The following SLC2A3 variants were observed in gnomAD, a reference collection of about 807,000 sequenced individuals.
SLC2A3 encodes solute carrier family 2, facilitated glucose transporter member 3.
SLC2A3 carries 21 observed loss-of-function variants against 46.4 expected under a neutral mutation model. The ratio of observed to expected loss-of-function variants is 0.45; its 90% CI spans 0.32 to 0.65. The LOEUF (loss-of-function observed/expected upper bound fraction) is 0.65, where lower values mean the gene tolerates loss of function less well. SLC2A3 is among the 30% of genes least tolerant of loss of function. The pLI, the probability that SLC2A3 is intolerant of heterozygous loss-of-function variation, is 0.04. For synonymous variants in SLC2A3, 213 were observed against 239.4 expected, an observed-to-expected ratio of 0.89 and a Z score of 1.02; for missense variants, 499 against 623.3, an observed-to-expected ratio of 0.80 and a Z score of 2.12.
chr12:7,935,846 ACATT>A (rs1234258897), intron 1 of SLC2A3, among the ~76,000 whole-genome samples, 170 bp downstream of exon 1: 4 of 152,172 alleles, frequency 2.6e-5, no homozygotes, highest in African/African-American at 7.2e-5. Context: ...GAACTGTATG[ACATT>A]CAAAGAGAAC....
chr12:7,922,354 T>C (rs1170597603), intron 9 of SLC2A3, among the ~76,000 whole-genome samples: 1 of 151,950 alleles, frequency 6.6e-6, no homozygotes, highest in Admixed American at 6.6e-5. Flanking sequence ...CTTGAGCCAC[T>C]GTGTCTGGCC....
chr12:7,933,629 G>A (rs950805747), intron 2 of SLC2A3, 181 bp downstream of exon 2: 3 of 616,194 alleles, frequency 4.9e-6, no homozygotes, highest in Non-Finnish European at 5.6e-6. Context: ...CTCACTAACT[G>A]TGTTGCTCAG....
intron 1 of SLC2A3, among the ~76,000 whole-genome samples, chr12:7,935,519 T>C (rs745415617): frequency 6.6e-6 from 1 of 152,324 alleles, no homozygotes; most frequent in East Asian, 1.9e-4. Flanking sequence ...TAGTATGTCC[T>C]GCACTCACGA....
rs777199710 is a variant in SLC2A3, at chr12:7,921,543, C to T, written c.1361G>A (p.Arg454His). 15 of 1,613,686 alleles carry T rather than the reference C, an allele frequency of 9.3e-6. No homozygotes were observed. The highest frequency in any genetic ancestry group is 1.7e-5 in the Admixed American group (1 of 59,966). ...AFTFFKVPET[R>H]GRTFEDITRA... Reference sequence around the variant, plus strand: ...TGTGATATCCTCAAAAGTCCTGCCACGGGTCTCAGGGACTTTGAAGAAGGT... The same window carrying T: ...TGTGATATCCTCAAAAGTCCTGCCATGGGTCTCAGGGACTTTGAAGAAGGT... Residue 454 changes from arginine to histidine, a missense_variant, in exon 10 of 10, where the codon CGT becomes CAT. Around this residue, in one of 5 missense-constraint regions of SLC2A3, gnomAD observed 179 missense variants for 205.1 expected, o/e 0.87. Coordinates refer to ENST00000075120, the MANE Select transcript of SLC2A3 (RefSeq NM_006931.3).
Position 7,933,116 on chromosome 12 carries a change from G to T in SLC2A3, c.140C>A (p.Thr47Lys). 1 of 1,614,044 alleles carries T rather than the reference G, an allele frequency of 6.2e-7. No individual in the cohort carries two copies. Among genetic ancestry groups the T allele is most frequent in the Non-Finnish European group, 8.5e-7 (1 of 1,180,002 alleles). Residue 47 changes from threonine to lysine, a missense_variant, in exon 3 of 10, where the codon ACG (threonine) becomes AAG (lysine). Transcript: ENST00000075120. ...AGAGGGTGGGGCATTTCCCTTGTCC[G>T]TCAAAGTTTTATTGATAAATTCCTT... The part of the protein sequence containing the change: ...IIKEFINKTL[T>K]DKGNAPPSEV...
At chr12:7,928,196 G>A (rs139080950) in intron 6 of SLC2A3, among the ~76,000 whole-genome samples, 2 of 151,900 alleles carry the variant, frequency 1.3e-5, no homozygotes, top group South Asian at 2.1e-4. Flanking sequence ...TCAAGAGATC[G>A]AGACCATCCT....
chr12:7,933,277 A>ACTC, intron 2 of SLC2A3, 130 bp from the exon 3 acceptor site: 1 of 1,017,710 alleles, frequency 9.8e-7, no homozygotes, highest in Non-Finnish European at 1.4e-6. Context: ...GGGGCAGATA[A>ACTC]CGTATTGGAA....
chr12:7,919,450 C>G lies in SLC2A3; in HGVS notation c.*1963G>C, dbSNP rs1946013521. On this transcript the variant is annotated 3_prime_UTR_variant, in exon 10 of 10. Transcript: ENST00000075120. ...CATTTTTTTTTTTTTGAGACGGAGT[C>G]TCGCCCTGTGGCCCAGGCTAGAGTG... is the stretch of plus-strand genomic sequence containing the variant. 1 of 151,270 alleles carries G rather than the reference C, an allele frequency of 6.6e-6. No homozygotes were observed. Among genetic ancestry groups the G allele is most frequent in the South Asian group, 2.1e-4 (1 of 4,824 alleles). The allele number at this position is 151,270 out of a possible 1,614,324, so 9.4% of individuals were successfully genotyped here.
rs1197154662 is a variant in SLC2A3 at position 7,932,996 on chromosome 12, C to T, written c.260G>A (p.Arg87His). The T allele has an allele frequency of 1.9e-6, 3 of 1,614,012 alleles. No homozygotes were observed. Among genetic ancestry groups the T allele is most frequent in the East Asian group, 2.2e-5 (1 of 44,880 alleles). Residue 87 changes from arginine (R) to histidine (H), a missense_variant, in exon 3 of 10, where the codon CGC (arginine) becomes CAC (histidine). Around this residue, in one of 5 missense-constraint regions of SLC2A3, gnomAD observed 248 missense variants for 284.0 expected, o/e 0.87. Coordinates refer to ENST00000075120, the MANE Select transcript of SLC2A3 (RefSeq NM_006931.3). ...AGTTTCTAGTCAATACCTGCCAAAG[C>T]GGTTGACGAAGAGTCCGACGGAAAA... is the stretch of plus-strand genomic sequence containing the variant. ...GSFSVGLFVN[R>H]FGRRNSMLIV...
intron 4 of SLC2A3, among the ~76,000 whole-genome samples, chr12:7,930,858 A>G (rs1946145881): frequency 7.4e-6 from 1 of 135,648 alleles, no homozygotes; most frequent in Non-Finnish European, 1.5e-5. Context: ...GATCAGTGGC[A>G]CAATCTCGGC....
At position 7,920,319 on chromosome 12, in the gene SLC2A3, C is replaced by A. The variant is rs1946022358; in HGVS notation, c.*1094G>T. On this transcript the variant is annotated 3_prime_UTR_variant, in exon 10 of 10. Coordinates refer to ENST00000075120, the MANE Select transcript of SLC2A3 (RefSeq NM_006931.3). ...AGGTTTCTTATTTGGATGGCTCTCC[C>A]ACGAGATAGGTGGCGGGATTACTTC... is the stretch of plus-strand genomic sequence containing the variant. 6.6e-6 allele frequency: 1 copy of A among 152,014 alleles called. No individual in the cohort carries two copies. The highest frequency in any genetic ancestry group is 2.4e-5 in the African/African-American group (1 of 41,368). 9.4% of individuals were successfully genotyped at this position (152,014 alleles called of 1,614,324 possible). A position where few individuals can be genotyped will look rare whatever the true frequency, so the allele number is the denominator to read the frequency against.
In SLC2A3 at chr12:7,922,983, G is replaced by T. The variant is rs768625730; in HGVS notation, c.1110C>A (p.Ile370=). 1 of 1,614,022 alleles carries T rather than the reference G, an allele frequency of 6.2e-7. No homozygotes were observed. The highest frequency in any genetic ancestry group is 1.7e-5 in the Admixed American group (1 of 59,978). ...NGMSFVCIGA[I]LVFVAFFEIG... Reference sequence around the variant, plus strand: ...TTTCAAAGAAGGCTACAAAGACCAAGATAGCCCCAATACAGACAAAGCTCA... The same window carrying T: ...TTTCAAAGAAGGCTACAAAGACCAATATAGCCCCAATACAGACAAAGCTCA... Residue 370 remains isoleucine, a synonymous_variant, in exon 9 of 10, where the codon ATC becomes ATA. Transcript: ENST00000075120.
At chr12:7,930,001 T>C in intron 5 of SLC2A3, 130 bp from the exon 6 acceptor site, 1 of 1,476,904 alleles carries the variant, frequency 6.8e-7, no homozygotes, top group Non-Finnish European at 9.0e-7. Context: ...TTTTTTTTTT[T>C]TGAGACAGAG....
chr12:7,926,262 TGTAGTTTAA>T (rs1031915754), intron 6 of SLC2A3, among the ~76,000 whole-genome samples: 55 of 152,188 alleles, frequency 3.6e-4, no homozygotes, highest in African/African-American at 1.3e-3. Context: ...AGCTAATTTT[TGTAGTTTAA>T]GTAGAGATGG....
rs373366618 is a variant in SLC2A3 at position 7,932,970 on chromosome 12, C to T, written c.269+17G>A. ...GGCTGGTAGAGCCCACTTCCTTGCC[C>T]AGTTTCTAGTCAATACCTGCCAAAG... On this transcript the variant is annotated intron_variant, in intron 3 of 9. Transcript: ENST00000075120. 5.6e-6 allele frequency: 9 copies of T among 1,613,416 alleles called. 1 individual carries two copies. Among genetic ancestry groups the T allele is most frequent in the South Asian group, 5.5e-5 (5 of 91,044 alleles).
Position 7,930,216 on chromosome 12 carries a change from C to T in SLC2A3, c.673+264G>A, listed in dbSNP as rs771138565. ...TTTCAGGCAGGTCTTGAACTCCTGA[C>T]CTCAGGTGACCCGCCTCGGCCTCTT... is the stretch of plus-strand genomic sequence containing the variant. On this transcript the variant is annotated intron_variant, in intron 5 of 9. Coordinates refer to ENST00000075120, the MANE Select transcript of SLC2A3 (RefSeq NM_006931.3). 3 of 504,224 alleles carry T rather than the reference C, an allele frequency of 5.9e-6. No individual in the cohort carries two copies. The South Asian group carries it at 7.7e-5, about 13-fold the overall frequency. The allele number at this position is 504,224 out of a possible 1,614,324, so 31.2% of individuals were successfully genotyped here.
intron 3 of SLC2A3, among the ~76,000 whole-genome samples, chr12:7,932,102 G>C (rs941734885): frequency 1.3e-5 from 2 of 151,552 alleles, no homozygotes; most frequent in Admixed American, 1.3e-4. Flanking sequence ...GGATGGTCTC[G>C]ATCTCCTGAC....
chr12:7,930,455 G>C, intron 5 of SLC2A3, 25 bp downstream of exon 5: 1 of 1,603,332 alleles, frequency 6.2e-7, no homozygotes, highest in Non-Finnish European at 8.5e-7. Flanking sequence ...TATAATTCAT[G>C]TAGTAAGGTG....
At position 7,933,816 on chromosome 12, in the gene SLC2A3, A is replaced by G. The variant is rs759019829; in HGVS notation, c.102T>C (p.Pro34=). The G allele has an allele frequency of 2.5e-6, 4 of 1,613,308 alleles. No homozygotes were observed. The highest frequency in any genetic ancestry group is 1.3e-5 in the African/African-American group (1 of 74,902). The change falls in exon 2 of 10, where the codon CCT becomes CCC. Residue 34 remains proline (P), a synonymous_variant. Transcript: ENST00000075120. ...ATTGTGGCCTGGCACTCACCTTCTC[A>G]GGAGCATTGATGACCCCAGTGTTGT... ...FGYNTGVINA[P]EKIIKEFINK...
Sources: gnomAD v4.1 joint callset for allele counts (sites outside exome capture counted in the v4.1 genomes callset) on GRCh38, gnomAD v4.1.1 for gene constraint, gnomAD v4.1.1 regional missense constraint, MANE v1.5 for transcripts, NCBI Gene and HGNC (gene_info 2026-07-23, HGNC 2026-07-21) for gene names.